TNS3: variants seen among roughly 807,000 people sequenced by gnomAD.
The protein encoded by TNS3 is tensin 3.
In TNS3, 45 loss-of-function variants were observed where a neutral mutation model predicts 140.9. The ratio of observed to expected loss-of-function variants is 0.32; its 90% CI spans 0.25 to 0.41. TNS3 has a LOEUF of 0.41. Among genes scored for constraint, TNS3 ranks in the 10% least tolerant of loss-of-function variants. The probability of loss-of-function intolerance (pLI) is 1.00; values close to 1 mark genes in which losing one functional copy is unlikely to be tolerated. For missense variants in TNS3, 1,716 were observed against 1,906.7 expected (o/e 0.90, Z 1.86); for synonymous variants, 815 against 788.4 (o/e 1.03, Z -0.56).
chr7:47,555,994 G>GTGCA (rs888036164), intron 1 of TNS3, among the ~76,000 whole-genome samples: 8 of 152,236 alleles, frequency 5.3e-5, no homozygotes, highest in Admixed American at 1.3e-4. Context: ...ACATGTAGGT[G>GTGCA]TGCATGCATG....
chr7:47,285,522 T>C (rs569375129), intron 27 of TNS3, among the ~76,000 whole-genome samples: 2 of 152,352 alleles, frequency 1.3e-5, no homozygotes, highest in South Asian at 4.1e-4. Context: ...GCTCTTCCTT[T>C]GCCTTCTACC....
At chr7:47,373,172 T>C (rs1404725070) in intron 16 of TNS3, among the ~76,000 whole-genome samples, 1 of 152,186 alleles carries the variant, frequency 6.6e-6, no homozygotes, top group Admixed American at 6.5e-5. Context: ...TGAACTTCAG[T>C]CGGACAAAGG....
intron 17 of TNS3, among the ~76,000 whole-genome samples, chr7:47,357,591 G>GT (rs1185226581): frequency 3.9e-5 from 6 of 152,148 alleles, no homozygotes; most frequent in Non-Finnish European, 7.4e-5. Flanking sequence ...TTTTTACAGC[G>GT]TAATGTGTTA....
intron 1 of TNS3, among the ~76,000 whole-genome samples, chr7:47,532,689 C>T (rs1365487144): frequency 2.6e-5 from 4 of 152,124 alleles, no homozygotes; most frequent in African/African-American, 7.2e-5. Flanking sequence ...TTCCTGGACA[C>T]AGGACAAGAA....
chr7:47,367,355 A>G (rs1014177617), intron 17 of TNS3, among the ~76,000 whole-genome samples: 1 of 152,162 alleles, frequency 6.6e-6, no homozygotes, highest in Non-Finnish European at 1.5e-5. Context: ...TGGTCCCCTC[A>G]GCCTTCATGC....
At chr7:47,475,540 G>T (rs1193145949) in intron 4 of TNS3, among the ~76,000 whole-genome samples, 1 of 152,236 alleles carries the variant, frequency 6.6e-6, no homozygotes, top group Non-Finnish European at 1.5e-5. Context: ...CCCCGGGGGG[G>T]GGGCCAGGCC....
intron 17 of TNS3, among the ~76,000 whole-genome samples, chr7:47,364,392 C>G (rs1289533834): frequency 6.6e-6 from 1 of 151,030 alleles, no homozygotes; most frequent in Non-Finnish European, 1.5e-5. Flanking sequence ...AAGTGATTCT[C>G]CTGCCTCAGC....
intron 20 of TNS3, among the ~76,000 whole-genome samples, chr7:47,314,872 C>T (rs1252411125): frequency 6.6e-6 from 1 of 152,234 alleles, no homozygotes; most frequent in Non-Finnish European, 1.5e-5. Context: ...GGCAGCCTGT[C>T]TCTCTGCTTC....
At chr7:47,558,948 C>T (rs115643940) in intron 1 of TNS3, among the ~76,000 whole-genome samples, 250 of 152,304 alleles carry the variant, frequency 1.6e-3, no homozygotes, top group African/African-American at 5.6e-3. Flanking sequence ...CCGAAATCTC[C>T]CCAGAGGGAG....
intron 4 of TNS3, among the ~76,000 whole-genome samples, chr7:47,447,322 A>G (rs754595243): frequency 2.6e-5 from 4 of 152,034 alleles, no homozygotes; most frequent in East Asian, 3.9e-4. Context: ...TGCCCAGGAC[A>G]GAGCACTTCC....
intron 16 of TNS3, among the ~76,000 whole-genome samples, chr7:47,374,098 A>T (rs1218988909): frequency 1.3e-5 from 2 of 152,224 alleles, no homozygotes; most frequent in Non-Finnish European, 2.9e-5. Flanking sequence ...CTGGAAAAAT[A>T]ACTGAAGTCA....
intron 17 of TNS3, among the ~76,000 whole-genome samples, chr7:47,352,435 G>A (rs1368254363): frequency 6.6e-6 from 1 of 152,178 alleles, no homozygotes; most frequent in Non-Finnish European, 1.5e-5. Flanking sequence ...CCCCACAGCT[G>A]CATGTGCTGC....
intron 17 of TNS3, among the ~76,000 whole-genome samples, chr7:47,349,396 C>G (rs1789532881): frequency 6.6e-6 from 1 of 152,244 alleles, no homozygotes; most frequent in South Asian, 2.1e-4. Flanking sequence ...TCTCAGTATC[C>G]TGCCACTGGG....
At chr7:47,556,042 C>T (rs981880367) in intron 1 of TNS3, among the ~76,000 whole-genome samples, 4 of 152,196 alleles carry the variant, frequency 2.6e-5, no homozygotes, top group Admixed American at 2.6e-4. Context: ...TGTGGACACA[C>T]ATACACTTGT....
At chr7:47,316,634 G>A (rs1167280725) in intron 20 of TNS3, among the ~76,000 whole-genome samples, 1 of 151,030 alleles carries the variant, frequency 6.6e-6, no homozygotes, top group Admixed American at 6.6e-5. Context: ...TTTGAGACCA[G>A]CCTGGCCAAC....
At chr7:47,287,398 A>G (rs1411057512) in intron 27 of TNS3, among the ~76,000 whole-genome samples, 1 of 152,236 alleles carries the variant, frequency 6.6e-6, no homozygotes, top group Non-Finnish European at 1.5e-5. Context: ...TCTGAGTTTC[A>G]GCTTCCTGAA....
intron 1 of TNS3, among the ~76,000 whole-genome samples, chr7:47,530,823 CAA>C (rs781707373): frequency 1.6e-4 from 7 of 45,000 alleles, no homozygotes; most frequent in Non-Finnish European, 1.6e-4. Context: ...AACTCCATCT[CAA>C]AAAAAAAAAA....
In TNS3 at chr7:47,369,217, T is replaced by G. The variant is rs776754468; in HGVS notation, c.1429A>C (p.Ile477Leu). Residue 477 changes from isoleucine to leucine, a missense_variant, in exon 17 of 31, where the codon ATT (isoleucine) becomes CTT (leucine). Ile to Leu is a conservative substitution (Grantham distance 5). Around this residue, in one of 3 missense-constraint regions of TNS3, gnomAD observed 1,163 missense variants for 1,182.1 expected, o/e 0.98. Transcript: ENST00000311160. ...DAALKDRETD[I>L]LDDEMPHHDL... ...TGGTGGGGCATCTCGTCATCCAGAA[T>G]GTCTGTCTCCCGATCCTTCAGAGCA... 1 of 1,614,216 alleles carries G rather than the reference T, an allele frequency of 6.2e-7. No individual in the cohort carries two copies.
chr7:47,470,512 C>T lies in TNS3; in HGVS notation c.-76+10591G>A, dbSNP rs956504099. ...CAGCATTCATTCATTCGAAACACTG[C>T]TTACAGGTGAGTCCAGGGACCACAC... On this transcript the variant is annotated intron_variant, in intron 4 of 30. Transcript: ENST00000311160. 29 of 985,342 alleles carry T rather than the reference C, an allele frequency of 2.9e-5. No homozygotes were observed. The African/African-American group carries it at 4.7e-4, about 16-fold the overall frequency. 61.0% of individuals were successfully genotyped at this position (985,342 alleles called of 1,614,324 possible).
Sources: gnomAD v4.1 joint callset for allele counts (sites outside exome capture counted in the v4.1 genomes callset) on GRCh38, gnomAD v4.1.1 for gene constraint, gnomAD v4.1.1 regional missense constraint, MANE v1.5 for transcripts, NCBI Gene and HGNC (gene_info 2026-07-23, HGNC 2026-07-21) for gene names.